ZFHX4: variants seen among roughly 807,000 people sequenced by gnomAD.
ZFHX4 encodes the protein zinc finger homeobox protein 4.
A neutral mutation model predicts 267.6 loss-of-function variants in ZFHX4; 56 were observed. The ratio of observed to expected loss-of-function variants is 0.21; its 90% CI spans 0.17 to 0.26. The LOEUF is 0.26. Among genes scored for constraint, ZFHX4 ranks in the 10% least tolerant of loss-of-function variants. ZFHX4 has a pLI of 1.00. For synonymous variants in ZFHX4, 1,778 were observed against 1,665.6 expected (o/e 1.07, Z -1.64); for missense variants, 4,332 against 4,420.0 (o/e 0.98, Z 0.56).
intron 4 of ZFHX4, among the ~76,000 whole-genome samples, chr8:76,791,408 G>A (rs1810832804): frequency 6.6e-6 from 1 of 152,046 alleles, no homozygotes; most frequent in Non-Finnish European, 1.5e-5. Context: ...GAATTCTTAT[G>A]TTTTAAGGTA....
At chr8:76,784,912 G>C (rs1810648271) in intron 4 of ZFHX4, among the ~76,000 whole-genome samples, 1 of 151,928 alleles carries the variant, frequency 6.6e-6, no homozygotes, top group South Asian at 2.1e-4. Flanking sequence ...TGATCAGTTG[G>C]TGTCATTAAA....
intron 4 of ZFHX4, among the ~76,000 whole-genome samples, chr8:76,790,927 G>A (rs1313289457): frequency 2.0e-5 from 3 of 152,118 alleles, no homozygotes; most frequent in African/African-American, 7.2e-5. Flanking sequence ...TTGAGTAACA[G>A]CCACTCAACC....
chr8:76,724,856 G>T (rs1286015276), intron 3 of ZFHX4, among the ~76,000 whole-genome samples: 1 of 152,040 alleles, frequency 6.6e-6, no homozygotes, highest in African/African-American at 2.4e-5. Context: ...ATGCTCATTT[G>T]TAACTCACTG....
chr8:76,722,153 A>G (rs1808738595), intron 3 of ZFHX4, among the ~76,000 whole-genome samples: 3 of 152,080 alleles, frequency 2.0e-5, no homozygotes, highest in South Asian at 2.1e-4. Flanking sequence ...GAGATCAATC[A>G]AGGGCTACCA....
chr8:76,782,025 G>T, intron 4 of ZFHX4: 1 of 305,708 alleles, frequency 3.3e-6, no homozygotes. Context: ...CATTTCCATG[G>T]AATTTCCATT....
chr8:76,717,845 C>A (rs112975770), intron 3 of ZFHX4, among the ~76,000 whole-genome samples: 2 of 152,166 alleles, frequency 1.3e-5, no homozygotes, highest in Admixed American at 6.5e-5. Flanking sequence ...GACCCGCCCC[C>A]CTCAGCCTCC....
Position 76,855,663 on chromosome 8 carries a change from A to G in ZFHX4, c.8742A>G (p.Gly2914=). Residue 2914 remains glycine (G), a synonymous_variant, in exon 10 of 11, where the codon GGA becomes GGG. Transcript: ENST00000651372. ...IADPSSPNPF[G]SSNPFKSKSN... ...ACCCGAGCTCCCCAAATCCATTCGG[A>G]TCCAGCAATCCCTTTAAATCCAAAA... 6.2e-7 allele frequency: 1 copy of G among 1,613,916 alleles called. No individual in the cohort carries two copies. Among genetic ancestry groups the G allele is most frequent in the Non-Finnish European group, 8.5e-7 (1 of 1,179,870 alleles).
chr8:76,690,718 T>C (rs1563461433), intron 1 of ZFHX4, among the ~76,000 whole-genome samples: 2 of 151,748 alleles, frequency 1.3e-5, no homozygotes, highest in African/African-American at 2.4e-5. Flanking sequence ...GTAGAGTATA[T>C]ACAGACAGAC....
intron 4 of ZFHX4, among the ~76,000 whole-genome samples, chr8:76,787,526 G>A (rs888334958): frequency 1.3e-5 from 2 of 151,764 alleles, no homozygotes; most frequent in Non-Finnish European, 2.9e-5. Flanking sequence ...AAAGTGGCCA[G>A]GTGCGGTGGC....
In ZFHX4 at chr8:76,853,994, A is replaced by T; in HGVS notation, c.7073A>T (p.Gln2358Leu). ...GAAGACTCCATGGATGCCACTGATC[A>T]AGTGGTATACAAGCATTGCACAGTG... ...QTEDSMDATD[Q>L]VVYKHCTVSG... Residue 2358 changes from glutamine to leucine, a missense_variant, in exon 10 of 11, where the codon CAA becomes CTA. By Grantham distance (113) the Gln-to-Leu change is moderately radical. Transcript: ENST00000651372. 6.2e-7 allele frequency: 1 copy of T among 1,613,910 alleles called. No individual in the cohort carries two copies. Among genetic ancestry groups the T allele is most frequent in the Non-Finnish European group, 8.5e-7 (1 of 1,179,862 alleles).
At chr8:76,822,651 C>A (rs1342338968) in intron 4 of ZFHX4, among the ~76,000 whole-genome samples, 1 of 151,714 alleles carries the variant, frequency 6.6e-6, no homozygotes, top group East Asian at 1.9e-4. Flanking sequence ...CTGTCTTGAA[C>A]TTCTTGTCTT....
intron 3 of ZFHX4, among the ~76,000 whole-genome samples, chr8:76,738,033 T>G (rs1411649584): frequency 6.6e-6 from 1 of 152,208 alleles, no homozygotes; most frequent in Non-Finnish European, 1.5e-5. Flanking sequence ...TTTTAGAATT[T>G]AACTAGTGAT....
At chr8:76,830,171 A>T (rs1388391968) in intron 4 of ZFHX4, among the ~76,000 whole-genome samples, 1 of 152,172 alleles carries the variant, frequency 6.6e-6, no homozygotes, top group Non-Finnish European at 1.5e-5. Context: ...GTTGTTGTTG[A>T]TGGCGATTGG....
At chr8:76,723,479 A>T (rs778536327) in intron 3 of ZFHX4, among the ~76,000 whole-genome samples, 19 of 151,360 alleles carry the variant, frequency 1.3e-4, no homozygotes, top group Non-Finnish European at 2.1e-4. Flanking sequence ...ATATATGTTT[A>T]TTTGTTTTTC....
chr8:76,817,308 C>G (rs1022881671), intron 4 of ZFHX4, among the ~76,000 whole-genome samples: 1 of 152,090 alleles, frequency 6.6e-6, no homozygotes, highest in African/African-American at 2.4e-5. Flanking sequence ...GAGCCTGCTT[C>G]AAAGCAGCGT....
intron 4 of ZFHX4, among the ~76,000 whole-genome samples, chr8:76,831,177 T>G (rs1175616599): frequency 6.6e-6 from 1 of 152,224 alleles, no homozygotes; most frequent in East Asian, 1.9e-4. Context: ...CTGGCAGAGA[T>G]ATGAACTCAA....
At chr8:76,700,313 C>T (rs1808070333) in intron 1 of ZFHX4, among the ~76,000 whole-genome samples, 1 of 152,042 alleles carries the variant, frequency 6.6e-6, no homozygotes, top group African/African-American at 2.4e-5. Flanking sequence ...AGTGGCTAAC[C>T]TAGCATTCCT....
intron 10 of ZFHX4, 84 bp from the exon 11 acceptor site, chr8:76,863,010 G>GAGT: frequency 7.0e-7 from 1 of 1,434,306 alleles, no homozygotes; most frequent in Non-Finnish European, 9.1e-7. Flanking sequence ...TGTCCTTAGT[G>GAGT]AGTTCTATTT....
intron 4 of ZFHX4, among the ~76,000 whole-genome samples, chr8:76,820,375 T>C (rs967982896): frequency 2.6e-5 from 4 of 152,340 alleles, no homozygotes; most frequent in African/African-American, 9.6e-5. Flanking sequence ...CTTGCTGTTA[T>C]CATGTATTGT....
Sources: allele counts gnomAD v4.1 joint callset (sites outside exome capture counted in the v4.1 genomes callset), GRCh38; gene constraint gnomAD v4.1.1; transcripts MANE v1.5; gene names NCBI Gene and HGNC (gene_info 2026-07-23, HGNC 2026-07-21).